The following MYO3B variants were observed in gnomAD, a reference collection of about 807,000 sequenced individuals.
MYO3B encodes myosin IIIB.
In MYO3B, 156 loss-of-function variants were observed where a neutral mutation model predicts 174.6. The ratio of observed to expected loss-of-function variants is 0.89; its 90% CI spans 0.78 to 1.02. The LOEUF (loss-of-function observed/expected upper bound fraction) is 1.02. Ranked by LOEUF, MYO3B falls within the 50% of genes least tolerant of loss-of-function variation. The probability of loss-of-function intolerance (pLI) is 0.00; values close to 1 mark genes in which losing one functional copy is unlikely to be tolerated. For missense variants in MYO3B, 1,632 were observed against 1,639.4 expected (o/e 1.00, Z 0.08); for synonymous variants, 563 against 569.1 (o/e 0.99, Z 0.15).
intron 32 of MYO3B, among the ~76,000 whole-genome samples, chr2:170,569,486 A>G (rs1297841038): frequency 1.3e-5 from 2 of 151,198 alleles, no homozygotes; most frequent in African/African-American, 2.4e-5. Flanking sequence ...ATCTTGTGAG[A>G]GGGAGAGACA....
chr2:170,459,187 A>T (rs1348370782), intron 23 of MYO3B, among the ~76,000 whole-genome samples: 1 of 152,074 alleles, frequency 6.6e-6, no homozygotes, highest in Non-Finnish European at 1.5e-5. Flanking sequence ...GTGGAAAGGG[A>T]CCCCAGCGGG....
At chr2:170,311,845 C>A (rs529045943) in intron 7 of MYO3B, among the ~76,000 whole-genome samples, 1 of 152,078 alleles carries the variant, frequency 6.6e-6, no homozygotes, top group African/African-American at 2.4e-5. Flanking sequence ...TTCCCGGCAC[C>A]GTTTGTTAAA....
intron 29 of MYO3B, among the ~76,000 whole-genome samples, chr2:170,518,799 C>T (rs1688479635): frequency 6.6e-6 from 1 of 152,166 alleles, no homozygotes; most frequent in Non-Finnish European, 1.5e-5. Flanking sequence ...TGTTGGGCCA[C>T]ACTTTGACAA....
chr2:170,408,225 T>G (rs2094523710), intron 22 of MYO3B, among the ~76,000 whole-genome samples: 2 of 152,222 alleles, frequency 1.3e-5, no homozygotes, highest in South Asian at 4.1e-4. Flanking sequence ...TACTTGTGTG[T>G]CATTCCAAGT....
intron 4 of MYO3B, 98 bp from the exon 5 acceptor site, chr2:170,214,631 C>A: frequency 1.5e-6 from 2 of 1,332,900 alleles, no homozygotes; most frequent in Non-Finnish European, 2.1e-6. Context: ...TGTAGACTTT[C>A]ATGAGACTTT....
intron 8 of MYO3B, among the ~76,000 whole-genome samples, chr2:170,355,200 C>A (rs1024558388): frequency 6.6e-6 from 1 of 152,156 alleles, no homozygotes; most frequent in Non-Finnish European, 1.5e-5. Flanking sequence ...CCAAGACAGC[C>A]AATAACTGCA....
In MYO3B at chr2:170,260,263, A is replaced by C. The variant is rs1004138958; in HGVS notation, c.749+24127A>C. Among the ~76,000 whole-genome samples the C allele has an allele frequency of 2.6e-5, 4 of 152,330 alleles. No individual in the cohort carries two copies. In the South Asian group the frequency reaches 6.2e-4, roughly 24 times the overall value. On this transcript the variant is annotated intron_variant, in intron 7 of 34. Coordinates refer to ENST00000408978, the MANE Select transcript of MYO3B (RefSeq NM_138995.5). ...CATTCTACCAAAAAGACACATGTGCATGTATGTTAATTGCAGCACCATTCA... is the reference window on the plus strand; with the variant it reads ...CATTCTACCAAAAAGACACATGTGCCTGTATGTTAATTGCAGCACCATTCA...
At chr2:170,350,593 A>C (rs1364317652) in intron 8 of MYO3B, 1 of 152,184 alleles carries the variant, frequency 6.6e-6, no homozygotes, top group Non-Finnish European at 1.5e-5. Flanking sequence ...TGATGGGTAA[A>C]AATCGAGATG....
intron 32 of MYO3B, among the ~76,000 whole-genome samples, chr2:170,605,054 C>T (rs1694731299): frequency 6.6e-6 from 1 of 152,138 alleles, no homozygotes; most frequent in African/African-American, 2.4e-5. Context: ...TAGAGAACCC[C>T]TTTGGGTCCT....
At chr2:170,214,323 T>C in intron 3 of MYO3B, 56 bp from the exon 4 acceptor site, 4 of 1,442,422 alleles carry the variant, frequency 2.8e-6, no homozygotes, top group Non-Finnish European at 3.8e-6. Context: ...TTCTTTTTCT[T>C]TTCTTTTTCA....
intron 7 of MYO3B, among the ~76,000 whole-genome samples, chr2:170,329,972 A>C (rs1273102356): frequency 1.3e-5 from 2 of 151,662 alleles, no homozygotes; most frequent in Non-Finnish European, 2.9e-5. Flanking sequence ...TGCTTTTATG[A>C]GTAAGGAAAT....
intron 32 of MYO3B, among the ~76,000 whole-genome samples, chr2:170,581,440 T>C (rs1159440997): frequency 2.0e-5 from 3 of 152,212 alleles, no homozygotes; most frequent in African/African-American, 7.2e-5. Context: ...TGTATGTATA[T>C]GTAGCATTCT....
intron 32 of MYO3B, among the ~76,000 whole-genome samples, chr2:170,546,072 G>A (rs1690461332): frequency 6.6e-6 from 1 of 152,046 alleles, no homozygotes; most frequent in Admixed American, 6.5e-5. Context: ...AACATGCCTG[G>A]TGTGTTCTTT....
intron 1 of MYO3B, among the ~76,000 whole-genome samples, chr2:170,197,191 GT>G (rs1341308349): frequency 6.6e-6 from 1 of 151,872 alleles, no homozygotes; most frequent in Non-Finnish European, 1.5e-5. Flanking sequence ...ACTCCCACCC[GT>G]TTCTTCAAAC....
chr2:170,449,699 C>T (rs1218459635), intron 23 of MYO3B, among the ~76,000 whole-genome samples: 4 of 151,956 alleles, frequency 2.6e-5, no homozygotes, highest in Admixed American at 1.3e-4. Flanking sequence ...ATTGCTTGAA[C>T]CCAGGAGGCA....
intron 8 of MYO3B, among the ~76,000 whole-genome samples, chr2:170,358,683 T>G (rs1043028123): frequency 6.6e-6 from 1 of 152,250 alleles, no homozygotes; most frequent in African/African-American, 2.4e-5. Context: ...TTTAAAATTT[T>G]TACTTAATGC....
In MYO3B at chr2:170,654,646, T is replaced by C. The variant is rs1399894748; in HGVS notation, c.*1525T>C. The C allele has an allele frequency of 2.1e-5, 1 of 48,586 alleles. No individual in the cohort carries two copies. The highest frequency in any genetic ancestry group is 1.0e-4 in the African/African-American group (1 of 9,590). 3.0% of individuals were successfully genotyped at this position (48,586 alleles called of 1,614,324 possible). A position where few individuals can be genotyped will look rare whatever the true frequency, so the allele number is the denominator to read the frequency against. On this transcript the variant is annotated 3_prime_UTR_variant, in exon 35 of 35. Transcript: ENST00000408978. ...CTGGGCGACAGGGCAAGACTCTGTCTCAAAAAAAAAAAAAAAAAAAAAAAA... is the reference window on the plus strand; with the variant it reads ...CTGGGCGACAGGGCAAGACTCTGTCCCAAAAAAAAAAAAAAAAAAAAAAAA...
At chr2:170,232,623 G>A (rs1017529990) in intron 6 of MYO3B, among the ~76,000 whole-genome samples, 1 of 152,228 alleles carries the variant, frequency 6.6e-6, no homozygotes, top group African/African-American at 2.4e-5. Flanking sequence ...TTCTGGCCCT[G>A]ACAATTACTA....
chr2:170,278,505 C>T (rs907388894), intron 7 of MYO3B, among the ~76,000 whole-genome samples: 1 of 152,004 alleles, frequency 6.6e-6, no homozygotes, highest in African/African-American at 2.4e-5. Context: ...AATATTTGTG[C>T]ATATATTGAT....
Sources: gnomAD v4.1 joint callset for allele counts (sites outside exome capture counted in the v4.1 genomes callset) on GRCh38, gnomAD v4.1.1 for gene constraint, MANE v1.5 for transcripts, NCBI Gene and HGNC (gene_info 2026-07-23, HGNC 2026-07-21) for gene names.